Variants in AOX1 observed in about 807,000 individuals in gnomAD.
AOX1 encodes aldehyde oxidase.
In AOX1, 153 loss-of-function variants were observed where a neutral mutation model predicts 169.5. The ratio of observed to expected loss-of-function variants is 0.90; its 90% confidence interval spans 0.79 to 1.03. The LOEUF (loss-of-function observed/expected upper bound fraction) is 1.03. Ranked by LOEUF, AOX1 falls within the 50% of genes least tolerant of loss-of-function variation. AOX1 has a pLI of 0.00. For missense variants in AOX1, 1,656 were observed against 1,663.9 expected, an observed-to-expected ratio of 1.00 and a Z score of 0.08; for synonymous variants, 562 against 581.9, an observed-to-expected ratio of 0.97 and a Z score of 0.49.
At position 200,651,011 on chromosome 2, in the gene AOX1, C is replaced by G; in HGVS notation, c.2885C>G (p.Thr962Arg). 1.2e-6 allele frequency: 2 copies of G among 1,614,206 alleles called. No homozygotes were observed. Among genetic ancestry groups the G allele is most frequent in the Non-Finnish European group, 1.7e-6 (2 of 1,180,034 alleles). ...AACATGTACAAGGAAATTGATCAAA[C>G]ACCCTACAAACAAGAGATCAATGCC... ...IINMYKEIDQ[T>R]PYKQEINAKN... Residue 962 changes from threonine to arginine, a missense_variant, in exon 26 of 35, where the codon ACA becomes AGA. Transcript: ENST00000374700.
Position 200,666,768 on chromosome 2 carries a change from G to T in AOX1, c.3609+16G>T. ...CATAGGCCAGGTACGTGTAACTGAT[G>T]TGTCTCACTTTCTATTTGTAAAAGC... is the stretch of plus-strand genomic sequence containing the variant. On this transcript the variant is annotated intron_variant, in intron 32 of 34. Coordinates refer to ENST00000374700, the MANE Select transcript of AOX1 (RefSeq NM_001159.4). 6.2e-7 allele frequency: 1 copy of T among 1,600,034 alleles called. No individual in the cohort carries two copies. Among genetic ancestry groups the T allele is most frequent in the Non-Finnish European group, 8.5e-7 (1 of 1,172,710 alleles).
At chr2:200,606,952 T>C (rs1295072166) in intron 10 of AOX1, among the ~76,000 whole-genome samples, 1 of 152,202 alleles carries the variant, frequency 6.6e-6, no homozygotes, top group South Asian at 2.1e-4. Flanking sequence ...ACTCCCTGTC[T>C]TCCTATTTGA....
intron 27 of AOX1, among the ~76,000 whole-genome samples, chr2:200,657,151 C>T (rs2035705205): frequency 9.5e-6 from 1 of 104,792 alleles, no homozygotes; most frequent in African/African-American, 3.7e-5. Flanking sequence ...TAGGGAGATT[C>T]CATCTCTACC....
chr2:200,676,731 G>A, intron 4 of AOX1: 1 of 315,774 alleles, frequency 3.2e-6, no homozygotes, highest in South Asian at 2.6e-5. Flanking sequence ...TGGCTTAAAG[G>A]AGGAGGAAAG....
rs560366294 is a variant in AOX1, at chr2:200,604,705, G to A, written c.679G>A (p.Glu227Lys). 6.2e-7 allele frequency: 1 copy of A among 1,614,116 alleles called. No individual in the cohort carries two copies. The highest frequency in any genetic ancestry group is 2.2e-5 in the East Asian group (1 of 44,880). ...IFPPELMIMA[E>K]KQSQRTRVFG... ...ATTGCTTTTTCAATAGATAATGGCT[G>A]AGAAACAGTCGCAAAGGACCAGGGT... The change falls in exon 9 of 35, where the codon GAG (glutamate) becomes AAG (lysine). Residue 227 changes from glutamate to lysine, a missense_variant. By Grantham distance (56) the Glu-to-Lys change is moderately conservative. Coordinates refer to ENST00000374700, the MANE Select transcript of AOX1 (RefSeq NM_001159.4).
intron 16 of AOX1, 37 bp from the exon 17 acceptor site, chr2:200,620,613 G>A (rs756998477): frequency 6.9e-7 from 1 of 1,449,096 alleles, no homozygotes; most frequent in Non-Finnish European, 9.1e-7. Context: ...TTTCTCTATA[G>A]AAATGTAAAA....
intron 15 of AOX1, 29 bp downstream of exon 15, chr2:200,613,995 C>G: frequency 6.2e-7 from 1 of 1,605,978 alleles, no homozygotes; most frequent in African/African-American, 1.3e-5. Context: ...ATTAACTTCC[C>G]CAGTACTGGG....
chr2:200,655,392 C>T (rs1390478255), intron 26 of AOX1, among the ~76,000 whole-genome samples: 5 of 152,020 alleles, frequency 3.3e-5, no homozygotes, highest in Admixed American at 2.0e-4. Flanking sequence ...TCTTCCTTAC[C>T]TTTATTATTT....
At chr2:200,670,188 C>T (rs2036000342) in intron 34 of AOX1, among the ~76,000 whole-genome samples, 2 of 152,104 alleles carry the variant, frequency 1.3e-5, no homozygotes, top group Admixed American at 1.3e-4. Context: ...CTGGCAACAG[C>T]GCCCATGCCG....
intron 5 of AOX1, 124 bp from the exon 6 acceptor site, chr2:200,602,160 A>G: frequency 1.5e-6 from 1 of 677,708 alleles, no homozygotes; most frequent in Admixed American, 2.9e-5. Flanking sequence ...TTTGTAGATT[A>G]GGTGGACTAA....
At position 200,614,918 on chromosome 2, in the gene AOX1, T is replaced by G. The variant is rs2034720119; in HGVS notation, c.1611+952T>G. On this transcript the variant is annotated intron_variant, in intron 15 of 34. Coordinates refer to ENST00000374700, the MANE Select transcript of AOX1 (RefSeq NM_001159.4). Reference sequence around the variant, plus strand: ...CCAATTAGTAGCAAACTAATATAATTTCTGGGTGACTCAAGCGATGTAATT... The same window carrying G: ...CCAATTAGTAGCAAACTAATATAATGTCTGGGTGACTCAAGCGATGTAATT... Among the ~76,000 whole-genome samples, 4 of 152,222 alleles carry G rather than the reference T, an allele frequency of 2.6e-5. No individual in the cohort carries two copies. In the South Asian group the frequency reaches 8.3e-4, roughly 31 times the overall value.
intron 25 of AOX1, 130 bp downstream of exon 25, chr2:200,642,931 C>A: frequency 1.1e-6 from 1 of 871,044 alleles, no homozygotes; most frequent in Non-Finnish European, 1.7e-6. Flanking sequence ...CCCCAGCTAA[C>A]TGGTTAATGC....
At chr2:200,647,830 C>T in intron 25 of AOX1, among the ~76,000 whole-genome samples, 1 of 152,072 alleles carries the variant, frequency 6.6e-6, no homozygotes, top group East Asian at 1.9e-4. Context: ...ATTCAAAGAC[C>T]TTGTCTTCGA....
chr2:200,669,207 G>GC (rs1473040595), intron 33 of AOX1, among the ~76,000 whole-genome samples: 2 of 152,166 alleles, frequency 1.3e-5, no homozygotes, highest in Admixed American at 6.5e-5. Context: ...ACTTTGGGAG[G>GC]CCAAGGCGGG....
At chr2:200,631,399 A>T (rs1271411919) in intron 20 of AOX1, among the ~76,000 whole-genome samples, 1 of 152,242 alleles carries the variant, frequency 6.6e-6, no homozygotes, top group East Asian at 1.9e-4. Flanking sequence ...AAGGATTTGC[A>T]AGAGACCCAG....
chr2:200,663,084 G>T, intron 31 of AOX1, 115 bp downstream of exon 31: 2 of 738,930 alleles, frequency 2.7e-6, no homozygotes, highest in South Asian at 1.7e-5. Flanking sequence ...TTGGCCTAAG[G>T]GTGATTTCCC....
chr2:200,610,024 C>T (rs999739435), intron 12 of AOX1, among the ~76,000 whole-genome samples: 2 of 151,640 alleles, frequency 1.3e-5, no homozygotes, highest in African/African-American at 4.8e-5. Flanking sequence ...AGTTTTCTAT[C>T]ATCTGCATTG....
chr2:200,617,524 G>A (rs1249428602), intron 16 of AOX1, among the ~76,000 whole-genome samples: 2 of 149,794 alleles, frequency 1.3e-5, no homozygotes, highest in African/African-American at 2.5e-5. Context: ...TATCTTTGAC[G>A]GTAGGACAAA....
At chr2:200,595,729 C>T (rs1229677143) in intron 3 of AOX1, among the ~76,000 whole-genome samples, 1 of 152,088 alleles carries the variant, frequency 6.6e-6, no homozygotes, top group Non-Finnish European at 1.5e-5. Flanking sequence ...ACTTGAATGG[C>T]TCCCTAACTC....
Sources: allele counts gnomAD v4.1 joint callset (sites outside exome capture counted in the v4.1 genomes callset), GRCh38; gene constraint gnomAD v4.1.1; transcripts MANE v1.5; gene names NCBI Gene and HGNC (gene_info 2026-07-23, HGNC 2026-07-21).